ADGRE5: variants seen among roughly 807,000 people sequenced by gnomAD.
ADGRE5 encodes the protein adhesion G protein-coupled receptor E5.
ADGRE5 carries 72 observed loss-of-function variants against 100.3 expected under a neutral mutation model. The ratio of observed to expected loss-of-function variants is 0.72; its 90% CI spans 0.59 to 0.87. The LOEUF is 0.87. Ranked by LOEUF, ADGRE5 falls within the 40% of genes least tolerant of loss-of-function variation. The pLI, the probability that ADGRE5 is intolerant of heterozygous loss-of-function variation, is 0.00. For missense variants in ADGRE5, 959 were observed against 1,094.7 expected (o/e 0.88, Z 1.75); for synonymous variants, 439 against 447.8 (o/e 0.98, Z 0.25).
rs201252978 is a variant in ADGRE5 at position 14,406,360 on chromosome 19, G to A, written c.1851G>A (p.Gly617=). Residue 617 remains glycine, a synonymous_variant, in exon 15 of 20, where the codon GGG becomes GGA. Coordinates refer to ENST00000242786, the MANE Select transcript of ADGRE5 (RefSeq NM_078481.4). This position sits in a 1 kb window ranked among gnomAD's most constrained non-coding sequence, Gnocchi z 6.0. ...GGCTGCGCTGCCGCCTGGTGGCCGG[G>A]CTGCTGCACTACTGTTTCCTGGCCG... ...QVGLRCRLVA[G]LLHYCFLAAF... 8.2e-6 allele frequency: 13 copies of A among 1,579,968 alleles called. No individual in the cohort carries two copies. The highest frequency in any genetic ancestry group is 8.1e-5 in the South Asian group (7 of 86,712).
chr19:14,397,732 A>G lies in ADGRE5; in HGVS notation c.700A>G (p.Ser234Gly). 3 of 1,440,146 alleles carry G rather than the reference A, an allele frequency of 2.1e-6. No homozygotes were observed. The highest frequency in any genetic ancestry group is 1.2e-5 in the South Asian group (1 of 86,046). The allele number at this position is 1,440,146 out of a possible 1,614,324, so 89.2% of individuals were successfully genotyped here. Residue 234 changes from serine (S) to glycine (G), a missense_variant, in exon 7 of 20, where the codon AGC becomes GGC. By Grantham distance (56) the Ser-to-Gly change is moderately conservative. This residue lies in a region of ADGRE5 where 69 missense variants were observed against 135.0 expected (regional missense o/e 0.51). Transcript: ENST00000242786. ...CTGCTTCAACACCGTGGGTTCATAC[A>G]GCTGCCGCTGCCGCCCAGGCTGGAA... ...TVCFNTVGSYSCRCRPGWKPR... is the reference protein window; with the variant it reads ...TVCFNTVGSYGCRCRPGWKPR...
At position 14,408,371 on chromosome 19, in the gene ADGRE5, A is replaced by AG. The variant is rs1491232219; in HGVS notation, c.*254dup. ...CCACCTTGTGACCCAGGGTGGGGAC[A>AG]GGGGCTGGCCCAGGGCTGCAATGCA... On this transcript the variant is annotated 3_prime_UTR_variant, in exon 20 of 20. Coordinates refer to ENST00000242786, the MANE Select transcript of ADGRE5 (RefSeq NM_078481.4). The AG allele has an allele frequency of 1.6e-5, 10 of 612,824 alleles. No homozygotes were observed. The East Asian group carries it at 2.8e-4, about 17-fold the overall frequency. 38.0% of individuals were successfully genotyped at this position (612,824 alleles called of 1,614,324 possible). A position where few individuals can be genotyped will look rare whatever the true frequency, so the allele number is the denominator to read the frequency against.
intron 4 of ADGRE5, among the ~76,000 whole-genome samples, chr19:14,391,868 TGGG>T (rs1975612204): frequency 2.6e-5 from 4 of 151,904 alleles, no homozygotes; most frequent in African/African-American, 7.3e-5. Flanking sequence ...GAGGCCGAGG[TGGG>T]TGGATCACAA....
At position 14,406,948 on chromosome 19, in the gene ADGRE5, TAAAG is replaced by T; in HGVS notation, c.2198_2201del (p.Lys733ArgfsTer5). On this transcript the variant is annotated frameshift_variant, in exon 17 of 20. Coordinates refer to ENST00000242786, the MANE Select transcript of ADGRE5 (RefSeq NM_078481.4). LOFTEE classifies it high-confidence loss of function. This position sits in a 1 kb window ranked among gnomAD's most constrained non-coding sequence, Gnocchi z 6.0. ...GAAATCAATCCAGACATGAAGAAAT[TAAAG>T]AAGGCGAGGTGAGAGGAGAGGCTGG... 3.1e-6 allele frequency: 5 copies of T among 1,614,082 alleles called. No homozygotes were observed. The highest frequency in any genetic ancestry group is 4.2e-6 in the Non-Finnish European group (5 of 1,179,964).
In ADGRE5 at chr19:14,405,950, G is replaced by A. The variant is rs760791389; in HGVS notation, c.1821+11G>A. On this transcript the variant is annotated intron_variant, in intron 14 of 19. Transcript: ENST00000242786. Reference sequence around the variant, plus strand: ...AACGAAGGCGGCCAGGTGAGGTCCCGCCCCGCTCCCTCCTGAGCTCTGGGG... The same window carrying A: ...AACGAAGGCGGCCAGGTGAGGTCCCACCCCGCTCCCTCCTGAGCTCTGGGG... 12 of 1,600,628 alleles carry A rather than the reference G, an allele frequency of 7.5e-6. No individual in the cohort carries two copies. Among genetic ancestry groups the A allele is most frequent in the Admixed American group, 1.7e-5 (1 of 59,782 alleles).
rs765647107 is a variant in ADGRE5 at position 14,406,436 on chromosome 19, C to T, written c.1927C>T (p.Arg643Cys). 1.4e-5 allele frequency: 22 copies of T among 1,586,498 alleles called. No individual in the cohort carries two copies. Among genetic ancestry groups the T allele is most frequent in the Admixed American group, 5.4e-5 (3 of 55,404 alleles). ...CCTGGAGCTCTACTTTCTTGTGGTGCGCGTGTTCCAAGGCCAGGGCCTGAG... is the reference window on the plus strand; with the variant it reads ...CCTGGAGCTCTACTTTCTTGTGGTGTGCGTGTTCCAAGGCCAGGGCCTGAG... ...EGLELYFLVV[R>C]VFQGQGLSTR... Residue 643 changes from arginine (R) to cysteine (C), a missense_variant, in exon 15 of 20, where the codon CGC becomes TGC. Around this residue, in one of 6 missense-constraint regions of ADGRE5, gnomAD observed 428 missense variants for 386.2 expected, o/e 1.11. Transcript: ENST00000242786. This position sits in a 1 kb window ranked among gnomAD's most constrained non-coding sequence, Gnocchi z 6.0.
chr19:14,390,129 A>G (rs1385836375), intron 3 of ADGRE5, among the ~76,000 whole-genome samples: 1 of 133,778 alleles, frequency 7.5e-6, no homozygotes, highest in East Asian at 2.6e-4. Flanking sequence ...GGAGGGAAAG[A>G]AGAGGGAGGG....
chr19:14,406,226 G>A lies in ADGRE5; in HGVS notation c.1822-105G>A, dbSNP rs1008223187. On this transcript the variant is annotated intron_variant, in intron 14 of 19. Coordinates refer to ENST00000242786, the MANE Select transcript of ADGRE5 (RefSeq NM_078481.4). This position sits in a 1 kb window ranked among gnomAD's most constrained non-coding sequence, Gnocchi z 6.0. ...CCCGCTCCAGACCCGCCCACCCTCC[G>A]GCTGTGGTCCCGCCCACTCTCGGGA... 3 of 924,740 alleles carry A rather than the reference G, an allele frequency of 3.2e-6. No homozygotes were observed. The South Asian group carries it at 5.1e-5, about 16-fold the overall frequency. The allele number at this position is 924,740 out of a possible 1,614,324, so 57.3% of individuals were successfully genotyped here.
chr19:14,407,326 G>C, intron 18 of ADGRE5, 97 bp downstream of exon 18: 1 of 1,381,334 alleles, frequency 7.2e-7, no homozygotes, highest in Non-Finnish European at 1.0e-6. Flanking sequence ...TTGGAGACCA[G>C]CCTGGGCAAC....
At chr19:14,398,321 C>G (rs1439142301) in intron 9 of ADGRE5, 182 bp downstream of exon 9, 2 of 612,938 alleles carry the variant, frequency 3.3e-6, no homozygotes, top group African/African-American at 3.7e-5. Flanking sequence ...CGTGAAGACA[C>G]ACGCATGCAC....
chr19:14,398,020 G>A (rs752249806), intron 8 of ADGRE5, 42 bp from the exon 9 acceptor site: 23 of 1,596,116 alleles, frequency 1.4e-5, no homozygotes, highest in African/African-American at 4.1e-5. Flanking sequence ...CTTCCCACCC[G>A]CCGTCCAGGC....
Position 14,392,166 on chromosome 19 carries a change from T to C in ADGRE5, c.346+1087T>C, listed in dbSNP as rs184020582. On this transcript the variant is annotated intron_variant, in intron 4 of 19. Transcript: ENST00000242786. ...GCTCATGCCTGTAATCCCAACACTT[T>C]GGGAGGCCAAGGTGGGAGGATCACT... 2.7e-3 allele frequency among the ~76,000 whole-genome samples: 403 copies of C among 152,018 alleles called. 5 individuals carry two copies. The highest frequency in any genetic ancestry group is 9.4e-3 in the African/African-American group (391 of 41,440).
Position 14,397,075 on chromosome 19 carries a change from A to C in ADGRE5, c.479-2A>C. ...GGTTTGACCCTCTGGCTTTGTCCTC[A>C]GATGTGAATGAATGCACCTCCGGAC... On this transcript the variant is annotated splice_acceptor_variant, in intron 5 of 19. Coordinates refer to ENST00000242786, the MANE Select transcript of ADGRE5 (RefSeq NM_078481.4). LOFTEE classifies it high-confidence loss of function. The C allele has an allele frequency of 6.2e-7, 1 of 1,613,462 alleles. No homozygotes were observed. The highest frequency in any genetic ancestry group is 8.5e-7 in the Non-Finnish European group (1 of 1,179,872).
rs530679639 is a variant in ADGRE5 at position 14,393,602 on chromosome 19, A to G, written c.346+2523A>G. On this transcript the variant is annotated intron_variant, in intron 4 of 19. Coordinates refer to ENST00000242786, the MANE Select transcript of ADGRE5 (RefSeq NM_078481.4). ...AGGAGTGGTGCAGAGGTGGGAGGTGATGAGACTCAAGACTACAGAGAGAAG... is the reference window on the plus strand; with the variant it reads ...AGGAGTGGTGCAGAGGTGGGAGGTGGTGAGACTCAAGACTACAGAGAGAAG... Among the ~76,000 whole-genome samples, 72 of 152,248 alleles carry G rather than the reference A, an allele frequency of 4.7e-4. 1 individual carries two copies. The South Asian group carries it at 0.014, about 29-fold the overall frequency.
intron 4 of ADGRE5, among the ~76,000 whole-genome samples, chr19:14,395,293 G>A (rs1343500297): frequency 6.4e-5 from 8 of 125,698 alleles, no homozygotes; most frequent in African/African-American, 1.2e-4. Context: ...AGAGAGAGAC[G>A]CTGTCTCCAA....
At chr19:14,398,574 C>G (rs1404361918) in intron 9 of ADGRE5, among the ~76,000 whole-genome samples, 1 of 149,488 alleles carries the variant, frequency 6.7e-6, no homozygotes. Flanking sequence ...ACTCAGCAGG[C>G]TGAGGCAGGA....
intron 1 of ADGRE5, among the ~76,000 whole-genome samples, chr19:14,385,621 G>A (rs1242019356): frequency 6.6e-6 from 1 of 151,374 alleles, no homozygotes; most frequent in East Asian, 2.0e-4. Flanking sequence ...CCTGTGGGAG[G>A]GGGGCCCGGG....
At position 14,397,180 on chromosome 19, in the gene ADGRE5, G is replaced by A. The variant is rs774670795; in HGVS notation, c.582G>A (p.Pro194=). 3.7e-6 allele frequency: 6 copies of A among 1,613,294 alleles called. No homozygotes were observed. In the South Asian group the frequency reaches 4.4e-5, roughly 12 times the overall value. ...YQCRCRPGWQ[P]IPGSPNGPNN... Reference sequence around the variant, plus strand: ...GCCGCTGCCGCCCGGGCTGGCAACCGATTCCGGGGTCCCCCAATGGCCCAA... The same window carrying A: ...GCCGCTGCCGCCCGGGCTGGCAACCAATTCCGGGGTCCCCCAATGGCCCAA... The change falls in exon 6 of 20, where the codon CCG becomes CCA. Residue 194 remains proline, a synonymous_variant. Coordinates refer to ENST00000242786, the MANE Select transcript of ADGRE5 (RefSeq NM_078481.4).
In ADGRE5 at chr19:14,402,593, C is replaced by G. The variant is rs1354310393; in HGVS notation, c.1184-4C>G. On this transcript the variant is annotated splice_polypyrimidine_tract_variant and splice_region_variant and intron_variant, in intron 11 of 19. Coordinates refer to ENST00000242786, the MANE Select transcript of ADGRE5 (RefSeq NM_078481.4). ...AGTAGGCAGCGAGTGTGTCTGTTCC[C>G]CAGGCCCCGCCGTGGCGGGCATCCT... is the stretch of plus-strand genomic sequence containing the variant. 1.2e-6 allele frequency: 2 copies of G among 1,613,786 alleles called. No individual in the cohort carries two copies. Among genetic ancestry groups the G allele is most frequent in the African/African-American group, 2.7e-5 (2 of 74,874 alleles).
Sources: allele counts gnomAD v4.1 joint callset (sites outside exome capture counted in the v4.1 genomes callset), GRCh38; gene constraint gnomAD v4.1.1; regional missense constraint gnomAD v4.1.1; non-coding constraint Gnocchi (gnomAD v3.1); transcripts MANE v1.5; gene names NCBI Gene and HGNC (gene_info 2026-07-23, HGNC 2026-07-21).